The following DCAF1 variants were observed in gnomAD, a reference collection of about 807,000 sequenced individuals.
DCAF1 encodes DDB1- and CUL4-associated factor 1.
Under a neutral mutation model 128.0 loss-of-function variants are expected in DCAF1, and 15 were observed. The observed-to-expected ratio is 0.12, with a 90% CI of 0.08 to 0.18. The LOEUF is 0.18. Among genes scored for constraint, DCAF1 ranks in the 10% least tolerant of loss-of-function variants. DCAF1 has a pLI of 1.00. For missense variants in DCAF1, 988 were observed against 1,649.5 expected (o/e 0.60, Z 6.95); for synonymous variants, 610 against 603.0 (o/e 1.01, Z -0.17).
intron 9 of DCAF1, chr3:51,437,425 G>A (rs368777811): frequency 3.9e-6 from 2 of 509,520 alleles, no homozygotes; most frequent in African/African-American, 1.9e-5. Flanking sequence ...GATCTGAATG[G>A]AGCAATGTAG....
intron 9 of DCAF1, among the ~76,000 whole-genome samples, chr3:51,434,448 A>G (rs899231093): frequency 4.6e-5 from 7 of 152,202 alleles, no homozygotes; most frequent in African/African-American, 1.4e-4. Context: ...TTACTATTAC[A>G]TATTTAGGTT....
At chr3:51,424,772 A>T (rs754103478) in intron 13 of DCAF1, among the ~76,000 whole-genome samples, 2 of 152,246 alleles carry the variant, frequency 1.3e-5, no homozygotes, top group Non-Finnish European at 2.9e-5. Flanking sequence ...TTTATAATTT[A>T]AAAACATGCA....
intron 2 of DCAF1, among the ~76,000 whole-genome samples, chr3:51,485,840 T>C (rs1233265498): frequency 6.6e-6 from 1 of 151,898 alleles, no homozygotes; most frequent in Non-Finnish European, 1.5e-5. Context: ...CAAAGGAAAA[T>C]ACCTGCCCTA....
At chr3:51,440,047 T>A in intron 9 of DCAF1, 1 of 365,080 alleles carries the variant, frequency 2.7e-6, no homozygotes, top group Middle Eastern at 3.9e-4. Flanking sequence ...ATCTAAAAAG[T>A]AGGGCATAAG....
intron 9 of DCAF1, among the ~76,000 whole-genome samples, chr3:51,437,628 T>C (rs1309676108): frequency 6.6e-6 from 1 of 151,988 alleles, no homozygotes; most frequent in Non-Finnish European, 1.5e-5. Flanking sequence ...AGCTTGGGCA[T>C]TATAATGAAA....
intron 7 of DCAF1, among the ~76,000 whole-genome samples, chr3:51,442,660 T>C (rs986395753): frequency 2.9e-4 from 44 of 151,856 alleles, no homozygotes; most frequent in Non-Finnish European, 6.0e-4. Flanking sequence ...GATCGCGTCA[T>C]TGCACTCCAG....
At chr3:51,401,138 A>C (rs1207607257) in intron 24 of DCAF1, among the ~76,000 whole-genome samples, 1 of 151,522 alleles carries the variant, frequency 6.6e-6, no homozygotes, top group Non-Finnish European at 1.5e-5. Flanking sequence ...TCTCAAAAAA[A>C]AAAAAAAAAA....
intron 5 of DCAF1, among the ~76,000 whole-genome samples, 163 bp from the exon 6 acceptor site, chr3:51,463,390 A>G (rs1285112077): frequency 8.5e-5 from 13 of 152,228 alleles, no homozygotes; most frequent in Non-Finnish European, 5.9e-5. Context: ...TAATTATTAT[A>G]AACACTTATG....
Position 51,461,116 on chromosome 3 carries a change from G to C in DCAF1, c.375+1998C>G, listed in dbSNP as rs1376507033. On this transcript the variant is annotated intron_variant, in intron 6 of 24. Transcript: ENST00000684031. ...CAGCAAAAGAAACTACCATCAGAGT[G>C]AACAGGCAACCTACAGAATGGGAGA... is the stretch of plus-strand genomic sequence containing the variant. Among the ~76,000 whole-genome samples, 4 of 151,464 alleles carry C rather than the reference G, an allele frequency of 2.6e-5. No individual in the cohort carries two copies. The South Asian group carries it at 8.3e-4, about 32-fold the overall frequency.
rs530182236 is a variant in DCAF1 at position 51,418,213 on chromosome 3, C to T, written c.3436-15G>A. The T allele has an allele frequency of 4.8e-5, 77 of 1,602,446 alleles. No homozygotes were observed. Among genetic ancestry groups the T allele is most frequent in the East Asian group, 2.7e-4 (12 of 44,516 alleles). On this transcript the variant is annotated splice_polypyrimidine_tract_variant and intron_variant, in intron 16 of 24. Coordinates refer to ENST00000684031, the MANE Select transcript of DCAF1 (RefSeq NM_001387579.1). Reference sequence around the variant, plus strand: ...AAGGACCCATCCTAAAAGAAAAAGGCGCAAGGTGGGTAACCACGTATTTAC... The same window carrying T: ...AAGGACCCATCCTAAAAGAAAAAGGTGCAAGGTGGGTAACCACGTATTTAC...
At chr3:51,431,965 G>A (rs1403033880) in intron 10 of DCAF1, among the ~76,000 whole-genome samples, 16 of 151,278 alleles carry the variant, frequency 1.1e-4, no homozygotes, top group East Asian at 2.0e-4. Flanking sequence ...ACAACAGAGC[G>A]AGACCCTGTC....
intron 24 of DCAF1, among the ~76,000 whole-genome samples, chr3:51,400,753 G>A (rs1460041119): frequency 2.0e-5 from 3 of 152,024 alleles, no homozygotes; most frequent in Non-Finnish European, 2.9e-5. Flanking sequence ...AGACAATCTA[G>A]GTATAATTAA....
intron 6 of DCAF1, among the ~76,000 whole-genome samples, chr3:51,451,919 A>G (rs955588081): frequency 1.3e-5 from 2 of 152,228 alleles, no homozygotes; most frequent in African/African-American, 2.4e-5. Flanking sequence ...TGAATTGCAC[A>G]AAGAGTAAAC....
intron 23 of DCAF1, among the ~76,000 whole-genome samples, chr3:51,409,237 C>G (rs966038829): frequency 2.0e-5 from 3 of 152,190 alleles, no homozygotes; most frequent in Non-Finnish European, 2.9e-5. Flanking sequence ...AGGAGTATAA[C>G]TCTTAAATTA....
At chr3:51,453,801 A>G (rs1476240568) in intron 6 of DCAF1, among the ~76,000 whole-genome samples, 2 of 152,044 alleles carry the variant, frequency 1.3e-5, no homozygotes, top group African/African-American at 4.8e-5. Flanking sequence ...AAAAATATAA[A>G]AATTAGCCAG....
At chr3:51,465,715 AGC>A (rs1180126971) in intron 5 of DCAF1, among the ~76,000 whole-genome samples, 2 of 152,172 alleles carry the variant, frequency 1.3e-5, no homozygotes, top group African/African-American at 4.8e-5. Context: ...ACTGCACTCC[AGC>A]CTGGGCAACA....
intron 9 of DCAF1, among the ~76,000 whole-genome samples, chr3:51,438,939 T>C (rs980178110): frequency 2.0e-5 from 3 of 152,180 alleles, no homozygotes; most frequent in Admixed American, 6.5e-5. Context: ...TTTTAAAAAG[T>C]AATTTTAATG....
intron 15 of DCAF1, 72 bp from the exon 16 acceptor site, chr3:51,418,948 G>C: frequency 1.4e-5 from 21 of 1,471,822 alleles, no homozygotes; most frequent in Non-Finnish European, 1.9e-5. Context: ...TGCTAGGATA[G>C]AAGAAAAAGC....
intron 1 of DCAF1, among the ~76,000 whole-genome samples, chr3:51,499,297 C>T (rs1170887047): frequency 2.0e-5 from 3 of 152,240 alleles, no homozygotes; most frequent in Non-Finnish European, 2.9e-5. Flanking sequence ...CTCTTTCCAA[C>T]CCTTCCCTCT....
Sources: allele counts gnomAD v4.1 joint callset (sites outside exome capture counted in the v4.1 genomes callset), GRCh38; gene constraint gnomAD v4.1.1; transcripts MANE v1.5; gene names NCBI Gene and HGNC (gene_info 2026-07-23, HGNC 2026-07-21).